Variants in DNAH11 observed in about 807,000 individuals in gnomAD.
The protein encoded by DNAH11 is dynein axonemal heavy chain 11, also known as axonemal beta dynein heavy chain 11.
DNAH11 carries 442 observed loss-of-function variants against 526.0 expected under a neutral mutation model. The ratio of observed to expected loss-of-function variants is 0.84; its 90% CI spans 0.78 to 0.91. The LOEUF is 0.91. Among genes scored for constraint, DNAH11 ranks in the 40% least tolerant of loss-of-function variants. The pLI, the probability that DNAH11 is intolerant of heterozygous loss-of-function variation, is 0.00. For synonymous variants in DNAH11, 2,461 were observed against 1,935.9 expected (o/e 1.27, Z -7.12); for missense variants, 6,989 against 5,448.7 (o/e 1.28, Z -8.90).
chr7:21,564,991 G>A (rs1458502707), intron 6 of DNAH11, among the ~76,000 whole-genome samples: 1 of 152,114 alleles, frequency 6.6e-6, no homozygotes, highest in Non-Finnish European at 1.5e-5. Flanking sequence ...CAGTACCAGA[G>A]GGTATTACAT....
chr7:21,630,185 A>G (rs1387164316), intron 25 of DNAH11, among the ~76,000 whole-genome samples: 4 of 152,112 alleles, frequency 2.6e-5, no homozygotes, highest in East Asian at 1.9e-4. Flanking sequence ...AACCCAAAGA[A>G]AAAATGAAGA....
At position 21,707,733 on chromosome 7, in the gene DNAH11, T is replaced by G. The variant is rs1205234077; in HGVS notation, c.6581T>G (p.Met2194Arg). The G allele has an allele frequency of 6.2e-7, 1 of 1,613,426 alleles. No homozygotes were observed. Among genetic ancestry groups the G allele is most frequent in the Admixed American group, 1.7e-5 (1 of 59,940 alleles). ...ACACTGAACCGAACATATGTTAACATGAAACAGAAGCCGGTTTGGAATGAC... is the reference window on the plus strand; with the variant it reads ...ACACTGAACCGAACATATGTTAACAGGAAACAGAAGCCGGTTTGGAATGAC... ...LRTLNRTYVN[M>R]KQKPVWNDLN... Residue 2194 changes from methionine (M) to arginine (R), a missense_variant, in exon 40 of 82, where the codon ATG becomes AGG. Physicochemically the swap from Met to Arg is moderately conservative, Grantham distance 91. Transcript: ENST00000409508.
In DNAH11 at chr7:21,570,117, G is replaced by C. The variant is rs1336566813; in HGVS notation, c.1243G>C (p.Glu415Gln). 2 of 1,612,684 alleles carry C rather than the reference G, an allele frequency of 1.2e-6. No individual in the cohort carries two copies. The highest frequency in any genetic ancestry group is 3.3e-5 in the Admixed American group (2 of 59,844). The change falls in exon 7 of 82, where the codon GAG (glutamate) becomes CAG (glutamine). Residue 415 changes from glutamate to glutamine, a missense_variant. Coordinates refer to ENST00000409508, the MANE Select transcript of DNAH11 (RefSeq NM_001277115.2). ...PEDLLRGEIEESLEKVQVAVN... is the reference protein window; with the variant it reads ...PEDLLRGEIEQSLEKVQVAVN... ...GGACCTTTTGAGGGGAGAAATAGAA[G>C]AGTCACTGGAAAAGGTGCAGGTGGC...
chr7:21,873,718 C>G (rs1309259201), intron 74 of DNAH11, among the ~76,000 whole-genome samples: 1 of 148,832 alleles, frequency 6.7e-6, no homozygotes, highest in South Asian at 2.1e-4. Flanking sequence ...CAGTCTCACC[C>G]TAACATTAAG....
intron 2 of DNAH11, among the ~76,000 whole-genome samples, 162 bp from the exon 3 acceptor site, chr7:21,558,640 T>C (rs1783316421): frequency 6.6e-6 from 1 of 152,232 alleles, no homozygotes; most frequent in Non-Finnish European, 1.5e-5. Flanking sequence ...GTCTAATTGA[T>C]TAAATCTAAA....
intron 65 of DNAH11, among the ~76,000 whole-genome samples, chr7:21,827,973 G>T (rs760582573): frequency 4.5e-4 from 68 of 151,178 alleles, no homozygotes; most frequent in Non-Finnish European, 8.0e-4. Flanking sequence ...TTTTGAGACA[G>T]AGTCTTGCTC....
intron 66 of DNAH11, among the ~76,000 whole-genome samples, chr7:21,848,010 A>G (rs1277278997): frequency 6.6e-6 from 1 of 151,602 alleles, no homozygotes; most frequent in Non-Finnish European, 1.5e-5. Flanking sequence ...CTAAAAATAC[A>G]AAAAAAATTA....
In DNAH11 at chr7:21,749,854, G is replaced by T. The variant is rs1436582280; in HGVS notation, c.8797+53G>T. 8 of 1,606,458 alleles carry T rather than the reference G, an allele frequency of 5.0e-6. No homozygotes were observed. In the East Asian group the frequency reaches 6.7e-5, roughly 13 times the overall value. The stretch of plus-strand genomic sequence containing the variant: ...GATCTTCCCCAATGACAAATTATCT[G>T]TAGTTTCAGTGAACTTTAAAGAGAG... On this transcript the variant is annotated intron_variant, in intron 53 of 81. Coordinates refer to ENST00000409508, the MANE Select transcript of DNAH11 (RefSeq NM_001277115.2).
chr7:21,859,703 T>G (rs1782981963), intron 68 of DNAH11, among the ~76,000 whole-genome samples: 1 of 152,130 alleles, frequency 6.6e-6, no homozygotes, highest in Admixed American at 6.6e-5. Context: ...TTTATATTGA[T>G]GGCTATTTAT....
chr7:21,811,878 A>T (rs992045358), intron 63 of DNAH11, among the ~76,000 whole-genome samples: 1 of 152,204 alleles, frequency 6.6e-6, no homozygotes, highest in South Asian at 2.1e-4. Context: ...GGTTTCAATG[A>T]TGAAATAATT....
At chr7:21,800,887 A>G (rs1335523536) in intron 61 of DNAH11, among the ~76,000 whole-genome samples, 1 of 152,140 alleles carries the variant, frequency 6.6e-6, no homozygotes, top group African/African-American at 2.4e-5. Context: ...CGCTCCCTGC[A>G]TTCTGCCCAG....
chr7:21,559,878 C>A, intron 4 of DNAH11, 86 bp downstream of exon 4: 1 of 1,163,746 alleles, frequency 8.6e-7, no homozygotes, highest in Non-Finnish European at 1.2e-6. Context: ...ATTTAACACA[C>A]TGTCTTTGTA....
chr7:21,638,092 T>C (rs1403883879), intron 27 of DNAH11, among the ~76,000 whole-genome samples: 1 of 152,208 alleles, frequency 6.6e-6, no homozygotes, highest in Non-Finnish European at 1.5e-5. Context: ...GAAATTATCC[T>C]GAGGGAGCAC....
At chr7:21,794,594 T>C (rs1459278627) in intron 61 of DNAH11, among the ~76,000 whole-genome samples, 1 of 152,192 alleles carries the variant, frequency 6.6e-6, no homozygotes, top group African/African-American at 2.4e-5. Context: ...TGGGGGTTTG[T>C]GCCCAGAAGA....
chr7:21,881,013 T>G, intron 75 of DNAH11, 120 bp downstream of exon 75: 1 of 883,438 alleles, frequency 1.1e-6, no homozygotes, highest in Non-Finnish European at 1.6e-6. Context: ...GCTGACACTA[T>G]GTATGTATCT....
At chr7:21,667,474 G>T (rs549756656) in intron 30 of DNAH11, among the ~76,000 whole-genome samples, 5 of 152,254 alleles carry the variant, frequency 3.3e-5, no homozygotes, top group Admixed American at 2.0e-4. Flanking sequence ...ATAAAAACAG[G>T]TGGTGGGCCA....
chr7:21,690,723 C>A, intron 34 of DNAH11, 42 bp from the exon 35 acceptor site: 1 of 1,439,716 alleles, frequency 6.9e-7, no homozygotes, highest in Non-Finnish European at 9.7e-7. Flanking sequence ...CATTCATATT[C>A]AATGAACACA....
In DNAH11 at chr7:21,561,178, T is replaced by A. The variant is rs72655978; in HGVS notation, c.982+8T>A. Reference sequence around the variant, plus strand: ...TTCTGGCTGTGGAAAATGGTAAGACTCTTGTTCCTCAGCCTGGCATCAATA... The same window carrying A: ...TTCTGGCTGTGGAAAATGGTAAGACACTTGTTCCTCAGCCTGGCATCAATA... On this transcript the variant is annotated splice_region_variant and intron_variant, in intron 5 of 81. Coordinates refer to ENST00000409508, the MANE Select transcript of DNAH11 (RefSeq NM_001277115.2). 189 of 1,565,790 alleles carry A rather than the reference T, an allele frequency of 1.2e-4. No individual in the cohort carries two copies. The Middle Eastern group carries it at 1.5e-3, about 12-fold the overall frequency.
At chr7:21,737,285 C>T (rs1478989493) in intron 46 of DNAH11, among the ~76,000 whole-genome samples, 1 of 152,194 alleles carries the variant, frequency 6.6e-6, no homozygotes, top group Non-Finnish European at 1.5e-5. Flanking sequence ...GGCTAAGCTA[C>T]TGATTTGGAG....
Sources: allele counts gnomAD v4.1 joint callset (sites outside exome capture counted in the v4.1 genomes callset), GRCh38; gene constraint gnomAD v4.1.1; transcripts MANE v1.5; gene names NCBI Gene and HGNC (gene_info 2026-07-23, HGNC 2026-07-21).